ICA1L: variants seen among roughly 807,000 people sequenced by gnomAD.
The protein encoded by ICA1L is islet cell autoantigen 1-like protein.
In ICA1L, 50 loss-of-function variants were observed where a neutral mutation model predicts 61.3. The ratio of observed to expected loss-of-function variants is 0.82; its 90% confidence interval spans 0.65 to 1.03. The LOEUF is 1.03. Among genes scored for constraint, ICA1L ranks in the 50% least tolerant of loss-of-function variants. ICA1L has a pLI of 0.00. For missense variants in ICA1L, 508 were observed against 556.7 expected (o/e 0.91, Z 0.88); for synonymous variants, 161 against 191.3 (o/e 0.84, Z 1.31).
intron 1 of ICA1L, among the ~76,000 whole-genome samples, chr2:202,861,839 A>C (rs1296900821): frequency 7.2e-6 from 1 of 139,484 alleles, no homozygotes; most frequent in Non-Finnish European, 1.5e-5. Context: ...AGCCGAGATC[A>C]TGCTACTGCA....
intron 1 of ICA1L, among the ~76,000 whole-genome samples, chr2:202,831,900 C>T (rs1694022969): frequency 6.6e-6 from 1 of 152,054 alleles, no homozygotes; most frequent in Non-Finnish European, 1.5e-5. Context: ...GAGTTCAAGG[C>T]TGGCAGAACT....
intron 11 of ICA1L, among the ~76,000 whole-genome samples, chr2:202,787,760 A>C (rs376701986): frequency 1.3e-5 from 2 of 152,324 alleles, no homozygotes; most frequent in Admixed American, 6.5e-5. Context: ...CAGGGGTTAA[A>C]ATCTAGGATG....
chr2:202,788,168 C>G (rs576557948), intron 11 of ICA1L, among the ~76,000 whole-genome samples: 1 of 152,162 alleles, frequency 6.6e-6, no homozygotes, highest in Non-Finnish European at 1.5e-5. Flanking sequence ...GTGCTGACAT[C>G]AGAATCTGCT....
At chr2:202,869,347 ACT>A (rs1687626055) in intron 1 of ICA1L, among the ~76,000 whole-genome samples, 1 of 152,184 alleles carries the variant, frequency 6.6e-6, no homozygotes, top group African/African-American at 2.4e-5. Flanking sequence ...ACAGAGCGAG[ACT>A]CTGTCTCAAA....
At chr2:202,867,901 T>C (rs1687566934) in intron 1 of ICA1L, among the ~76,000 whole-genome samples, 1 of 152,216 alleles carries the variant, frequency 6.6e-6, no homozygotes. Flanking sequence ...GACCTGTAAA[T>C]GTTCTTGCCA....
Position 202,786,752 on chromosome 2 carries a change from ATTT to A in ICA1L, c.1244-748_1244-746del, listed in dbSNP as rs57934594. The A allele has an allele frequency of 3.4e-3, 1,425 of 423,778 alleles. 2 individuals are homozygous for A. Among genetic ancestry groups the A allele is most frequent in the Non-Finnish European group, 5.4e-3 (1,151 of 214,866 alleles). 26.3% of individuals were successfully genotyped at this position (423,778 alleles called of 1,614,324 possible). On this transcript the variant is annotated intron_variant, in intron 11 of 12. Coordinates refer to ENST00000358299, the MANE Select transcript of ICA1L (RefSeq NM_001288622.3). Reference sequence around the variant, plus strand: ...AGCTGAAGGAAGAAGTACATGCATGATTTTTTTTTTTTTGCAGCATTATCTGTA... The same window carrying A: ...AGCTGAAGGAAGAAGTACATGCATGATTTTTTTTTTGCAGCATTATCTGTA...
chr2:202,818,942 C>T lies in ICA1L; in HGVS notation c.558+759G>A, dbSNP rs765780793. On this transcript the variant is annotated intron_variant, in intron 5 of 12. Coordinates refer to ENST00000358299, the MANE Select transcript of ICA1L (RefSeq NM_001288622.3). ...GTGTTCAATTAAGTGGCATTTAGTGCATTCGCAATGTTGTTCAATCACTCC... is the reference window on the plus strand; with the variant it reads ...GTGTTCAATTAAGTGGCATTTAGTGTATTCGCAATGTTGTTCAATCACTCC... Among the ~76,000 whole-genome samples the T allele has an allele frequency of 1.4e-4, 21 of 152,316 alleles. No individual in the cohort carries two copies. In the South Asian group the frequency reaches 1.5e-3, roughly 11 times the overall value.
At chr2:202,824,226 C>A (rs188468938) in intron 3 of ICA1L, among the ~76,000 whole-genome samples, 120 of 152,156 alleles carry the variant, frequency 7.9e-4, no homozygotes, top group Non-Finnish European at 1.4e-3. Flanking sequence ...GATGGTGAAA[C>A]CCCGTCTCTA....
intron 1 of ICA1L, among the ~76,000 whole-genome samples, chr2:202,836,810 T>TATAGATATATAGATATAGATATATATAG (rs1694162540): frequency 1.3e-5 from 2 of 148,398 alleles, no homozygotes; most frequent in African/African-American, 4.9e-5. Context: ...TATATAGATA[T>TATAGATATATAGATATAGATATATATAG]ATATAGATAT....
chr2:202,811,817 A>AT, intron 8 of ICA1L, 28 bp from the exon 9 acceptor site: 8 of 1,534,494 alleles, frequency 5.2e-6, no homozygotes, highest in East Asian at 2.2e-5. Context: ...AAAAATGTAG[A>AT]TTTTTTGTTA....
intron 1 of ICA1L, among the ~76,000 whole-genome samples, chr2:202,830,481 G>A (rs142351647): frequency 8.5e-5 from 13 of 152,266 alleles, no homozygotes; most frequent in Non-Finnish European, 1.6e-4. Flanking sequence ...ATAAGGAAAT[G>A]CAGAGTGAAA....
intron 9 of ICA1L, among the ~76,000 whole-genome samples, chr2:202,808,951 T>C (rs1693301252): frequency 6.6e-6 from 1 of 152,180 alleles, no homozygotes; most frequent in Non-Finnish European, 1.5e-5. Context: ...ACAAAGACTA[T>C]AATAAATACG....
At position 202,814,814 on chromosome 2, in the gene ICA1L, A is replaced by G. The variant is rs745897347; in HGVS notation, c.784-30T>C. On this transcript the variant is annotated intron_variant, in intron 7 of 12. Transcript: ENST00000358299. ...AGATAAGAAAGTCAATGTTAAGTAT[A>G]TAGAATGAATCTGTTTCTTCTTCTC... 2.2e-6 allele frequency: 3 copies of G among 1,392,140 alleles called. No homozygotes were observed. The East Asian group carries it at 6.8e-5, about 32-fold the overall frequency. 86.2% of individuals were successfully genotyped at this position (1,392,140 alleles called of 1,614,324 possible). A position where few individuals can be genotyped will look rare whatever the true frequency, so the allele number is the denominator to read the frequency against.
At chr2:202,855,334 C>G (rs1694739457) in intron 1 of ICA1L, among the ~76,000 whole-genome samples, 1 of 151,632 alleles carries the variant, frequency 6.6e-6, no homozygotes, top group African/African-American at 2.4e-5. Context: ...CATGAAAAAC[C>G]CTCCAAAAAA....
rs555276731 is a variant in ICA1L, at chr2:202,812,360, C to G, written c.867-571G>C. Among the ~76,000 whole-genome samples, 4 of 152,246 alleles carry G rather than the reference C, an allele frequency of 2.6e-5. No homozygotes were observed. The South Asian group carries it at 8.3e-4, about 32-fold the overall frequency. ...TTCGGAGGCTGAGACAGGCGGATCACGAGGTCAGGAATTCGAGACCAGCCT... is the reference window on the plus strand; with the variant it reads ...TTCGGAGGCTGAGACAGGCGGATCAGGAGGTCAGGAATTCGAGACCAGCCT... On this transcript the variant is annotated intron_variant, in intron 8 of 12. Coordinates refer to ENST00000358299, the MANE Select transcript of ICA1L (RefSeq NM_001288622.3).
chr2:202,862,192 G>A (rs1485088595), intron 1 of ICA1L, among the ~76,000 whole-genome samples: 3 of 136,726 alleles, frequency 2.2e-5, no homozygotes, highest in Non-Finnish European at 3.1e-5. Context: ...TAATCCCAGT[G>A]ATTCAGGAGG....
intron 1 of ICA1L, chr2:202,840,364 C>G (rs959842434): frequency 2.0e-6 from 1 of 488,260 alleles, no homozygotes; most frequent in Non-Finnish European, 4.0e-6. Flanking sequence ...ACTCGGACAC[C>G]AGCTTCCCAT....
chr2:202,861,662 G>A (rs1459291197), intron 1 of ICA1L, among the ~76,000 whole-genome samples: 3 of 151,310 alleles, frequency 2.0e-5, no homozygotes, highest in Non-Finnish European at 3.0e-5. Flanking sequence ...TGAGGCGGGC[G>A]GATCACTTGA....
At chr2:202,785,220 TAAAAA>T (rs559242608) in intron 12 of ICA1L, among the ~76,000 whole-genome samples, 1 of 120,270 alleles carries the variant, frequency 8.3e-6, no homozygotes, top group African/African-American at 3.1e-5. Flanking sequence ...CTGTCTCAAT[TAAAAA>T]AAAAAAAAAA....
Sources: gnomAD v4.1 joint callset for allele counts (sites outside exome capture counted in the v4.1 genomes callset) on GRCh38, gnomAD v4.1.1 for gene constraint, MANE v1.5 for transcripts, NCBI Gene and HGNC (gene_info 2026-07-23, HGNC 2026-07-21) for gene names.